The following NOL4 variants were observed in gnomAD, a reference collection of about 807,000 sequenced individuals.
The protein encoded by NOL4 is nucleolar protein 4.
In NOL4, 17 loss-of-function variants were observed where a neutral mutation model predicts 75.9. The observed-to-expected ratio is 0.22, with a 90% CI of 0.15 to 0.34. NOL4 has a LOEUF of 0.34. Among genes scored for constraint, NOL4 ranks in the 10% least tolerant of loss-of-function variants. NOL4 has a pLI of 1.00. For synonymous variants in NOL4, 292 were observed against 289.9 expected (o/e 1.01, Z -0.07); for missense variants, 614 against 793.5 (o/e 0.77, Z 2.72).
rs79560487 is a variant in NOL4 at position 34,085,637 on chromosome 18, T to C, written c.772+7828A>G. On this transcript the variant is annotated intron_variant, in intron 5 of 10. Transcript: ENST00000261592. Reference sequence around the variant, plus strand: ...TTTATATGAAAACACACTTATGTAATATGAGTAAAGTATTGAAAGGCAGAA... The same window carrying C: ...TTTATATGAAAACACACTTATGTAACATGAGTAAAGTATTGAAAGGCAGAA... 4.6e-3 allele frequency among the ~76,000 whole-genome samples: 700 copies of C among 152,248 alleles called. 3 individuals are homozygous for C. The highest frequency in any genetic ancestry group is 7.4e-3 in the Non-Finnish European group (505 of 68,014).
intron 1 of NOL4, among the ~76,000 whole-genome samples, chr18:34,151,701 G>C (rs2081646871): frequency 6.6e-6 from 1 of 151,828 alleles, no homozygotes. Flanking sequence ...TGTAAACTTT[G>C]GATTTTAATG....
At chr18:34,047,790 G>C (rs558088800) in intron 5 of NOL4, among the ~76,000 whole-genome samples, 2 of 152,032 alleles carry the variant, frequency 1.3e-5, no homozygotes, top group African/African-American at 4.8e-5. Flanking sequence ...CCACATAGAC[G>C]TAGACATCCC....
chr18:33,952,626 A>C (rs1044869165), intron 8 of NOL4, among the ~76,000 whole-genome samples: 7 of 152,186 alleles, frequency 4.6e-5, no homozygotes, highest in African/African-American at 1.7e-4. Context: ...TTATAGAAAG[A>C]AATATGAAAT....
At chr18:34,203,690 C>CTCTG (rs2035903194) in intron 1 of NOL4, among the ~76,000 whole-genome samples, 1 of 72,264 alleles carries the variant, frequency 1.4e-5, no homozygotes, top group Non-Finnish European at 2.8e-5. Flanking sequence ...CTCTCCCTCT[C>CTCTG]TCTCTCTCTC....
chr18:33,964,318 T>G (rs1200204591), intron 6 of NOL4, among the ~76,000 whole-genome samples: 1 of 152,162 alleles, frequency 6.6e-6, no homozygotes, highest in Non-Finnish European at 1.5e-5. Context: ...ATATCAGTTA[T>G]TCATCAGTGA....
intron 8 of NOL4, among the ~76,000 whole-genome samples, chr18:33,948,151 T>A (rs1166933265): frequency 1.3e-5 from 2 of 151,936 alleles, no homozygotes; most frequent in African/African-American, 4.8e-5. Flanking sequence ...GACTCCACAG[T>A]TAATGTGAAG....
At chr18:34,140,926 A>C (rs1047909642) in intron 1 of NOL4, among the ~76,000 whole-genome samples, 1 of 152,080 alleles carries the variant, frequency 6.6e-6, no homozygotes, top group African/African-American at 2.4e-5. Context: ...CTGTATATCT[A>C]GAAAACCCCA....
intron 5 of NOL4, among the ~76,000 whole-genome samples, chr18:34,058,398 T>C (rs1221072481): frequency 6.6e-6 from 1 of 152,208 alleles, no homozygotes; most frequent in Non-Finnish European, 1.5e-5. Context: ...CCTCCCAAAA[T>C]GCTGGGATTA....
chr18:33,912,095 C>T (rs1010647932), intron 9 of NOL4, among the ~76,000 whole-genome samples: 1 of 152,012 alleles, frequency 6.6e-6, no homozygotes, highest in African/African-American at 2.4e-5. Context: ...GTAGTGTCTT[C>T]AGTTCTTAGA....
rs74877945 is a variant in NOL4 at position 33,970,080 on chromosome 18, A to G, written c.1057-11662T>C. On this transcript the variant is annotated intron_variant, in intron 6 of 10. Coordinates refer to ENST00000261592, the MANE Select transcript of NOL4 (RefSeq NM_003787.5). ...GGTCCAAGAATTTTGATTTCTAGCGAGAGCCCAAGTGATGCAGCTCCTGAA... is the reference window on the plus strand; with the variant it reads ...GGTCCAAGAATTTTGATTTCTAGCGGGAGCCCAAGTGATGCAGCTCCTGAA... 8.1e-3 allele frequency among the ~76,000 whole-genome samples: 1,239 copies of G among 152,282 alleles called. 13 individuals are homozygous for G. The highest frequency in any genetic ancestry group is 0.027 in the Middle Eastern group (8 of 294).
intron 5 of NOL4, among the ~76,000 whole-genome samples, chr18:34,056,797 C>T (rs1168504995): frequency 6.6e-6 from 1 of 152,110 alleles, no homozygotes; most frequent in African/African-American, 2.4e-5. Flanking sequence ...AACTGGTCAA[C>T]AGAGTTCTTA....
At chr18:34,222,597 C>A in intron 1 of NOL4, 2 of 424,466 alleles carry the variant, frequency 4.7e-6, no homozygotes, top group Non-Finnish European at 6.3e-6. Context: ...GCCGGGCTTC[C>A]AGCCTGGCCT....
Position 34,063,815 on chromosome 18 carries a change from T to C in NOL4, c.772+29650A>G, listed in dbSNP as rs184831336. ...TAATAATTAATAAATATATAAACTA[T>C]ATCAGTAGTATATCACTGAATATTA... On this transcript the variant is annotated intron_variant, in intron 5 of 10. Coordinates refer to ENST00000261592, the MANE Select transcript of NOL4 (RefSeq NM_003787.5). 4.6e-5 allele frequency among the ~76,000 whole-genome samples: 7 copies of C among 152,178 alleles called. No individual in the cohort carries two copies. The East Asian group carries it at 1.4e-3, about 29-fold the overall frequency.
chr18:33,891,202 T>C (rs1176208086), intron 9 of NOL4, among the ~76,000 whole-genome samples: 3 of 152,096 alleles, frequency 2.0e-5, no homozygotes, highest in Non-Finnish European at 2.9e-5. Flanking sequence ...ATTTTTCTCA[T>C]GCATACAACA....
At chr18:33,951,502 T>C (rs948933325) in intron 8 of NOL4, among the ~76,000 whole-genome samples, 11 of 152,278 alleles carry the variant, frequency 7.2e-5, no homozygotes, top group African/African-American at 2.6e-4. Flanking sequence ...TATCTGTTAT[T>C]AGGATTGAGG....
intron 1 of NOL4, among the ~76,000 whole-genome samples, chr18:34,143,512 G>C (rs2081271696): frequency 6.6e-6 from 1 of 151,812 alleles, no homozygotes; most frequent in South Asian, 2.1e-4. Flanking sequence ...TTTTGTAATT[G>C]ATTTGGTATG....
chr18:33,956,287 CT>C (rs1293079853), intron 8 of NOL4, among the ~76,000 whole-genome samples: 1 of 152,096 alleles, frequency 6.6e-6, no homozygotes, highest in Non-Finnish European at 1.5e-5. Context: ...TTTCTAAAAT[CT>C]AATGAAAATG....
chr18:34,019,880 A>G (rs2074939067), intron 5 of NOL4, among the ~76,000 whole-genome samples: 1 of 151,468 alleles, frequency 6.6e-6, no homozygotes, highest in South Asian at 2.1e-4. Context: ...ATGAGGGTGG[A>G]TTTTTCATGA....
intron 8 of NOL4, among the ~76,000 whole-genome samples, chr18:33,955,273 A>T (rs985972836): frequency 5.9e-5 from 9 of 152,090 alleles, no homozygotes; most frequent in African/African-American, 2.2e-4. Flanking sequence ...GTTAATAGCA[A>T]GTGTCACTGT....
Sources: gnomAD v4.1 joint callset for allele counts (sites outside exome capture counted in the v4.1 genomes callset) on GRCh38, gnomAD v4.1.1 for gene constraint, MANE v1.5 for transcripts, NCBI Gene and HGNC (gene_info 2026-07-23, HGNC 2026-07-21) for gene names.